Variants in TAFA2 observed in about 807,000 individuals in gnomAD.
TAFA2 encodes chemokine-like protein TAFA-2.
Under a neutral mutation model 18.8 loss-of-function variants are expected in TAFA2, and 7 were observed. That is an observed-to-expected ratio of 0.37 (90% CI 0.21 to 0.70). TAFA2 has a LOEUF of 0.70. TAFA2 is among the 30% of genes least tolerant of loss of function. The probability of loss-of-function intolerance (pLI) is 0.53; values close to 1 mark genes in which losing one functional copy is unlikely to be tolerated. For synonymous variants in TAFA2, 60 were observed against 54.2 expected (o/e 1.11, Z -0.47); for missense variants, 122 against 158.1 (o/e 0.77, Z 1.23).
chr12:61,999,615 C>T (rs1032203848), intron 1 of TAFA2, among the ~76,000 whole-genome samples: 2 of 152,134 alleles, frequency 1.3e-5, no homozygotes, highest in African/African-American at 4.8e-5. Flanking sequence ...TTGAAACTCC[C>T]AAGCAAGTAT....
intron 1 of TAFA2, among the ~76,000 whole-genome samples, chr12:61,882,176 T>C (rs1370877121): frequency 2.0e-5 from 3 of 152,168 alleles, no homozygotes; most frequent in Non-Finnish European, 4.4e-5. Flanking sequence ...AAACAGAGTA[T>C]TTATTCTTGA....
intron 2 of TAFA2, among the ~76,000 whole-genome samples, chr12:61,833,204 T>A (rs1481150369): frequency 6.6e-6 from 1 of 151,500 alleles, no homozygotes; most frequent in East Asian, 1.9e-4. Context: ...GGAAATAACA[T>A]GTCATGAACC....
chr12:61,914,679 T>A (rs1385656739), intron 1 of TAFA2, among the ~76,000 whole-genome samples: 1 of 152,216 alleles, frequency 6.6e-6, no homozygotes. Context: ...AATTGTATCC[T>A]AAAATTATTA....
At chr12:61,988,516 T>G (rs1242161579) in intron 1 of TAFA2, among the ~76,000 whole-genome samples, 1 of 152,154 alleles carries the variant, frequency 6.6e-6, no homozygotes, top group African/African-American at 2.4e-5. Context: ...TTGGAAGACC[T>G]TAAGAAGCAG....
intron 1 of TAFA2, among the ~76,000 whole-genome samples, chr12:62,070,054 A>G (rs989759321): frequency 1.4e-4 from 21 of 152,178 alleles, no homozygotes; most frequent in African/African-American, 5.1e-4. Flanking sequence ...AGCTCTCAGC[A>G]AGAAACTAGA....
At position 62,122,194 on chromosome 12, in the gene TAFA2, A is replaced by G. The variant is rs34365908; in HGVS notation, c.-2+69065T>C. ...TGACACAAGTTTACCTATGTAAAAA[A>G]CCTGCACTTGTATCCCTGAACTTAT... On this transcript the variant is annotated intron_variant, in intron 1 of 4. Coordinates refer to ENST00000416284, the MANE Select transcript of TAFA2 (RefSeq NM_178539.5). Among the ~76,000 whole-genome samples the G allele has an allele frequency of 4.7e-4, 71 of 152,160 alleles. 1 individual carries two copies. Among genetic ancestry groups the G allele is most frequent in the African/African-American group, 1.3e-3 (55 of 41,494 alleles).
At chr12:62,228,061 A>C (rs2062795491) in intron 1 of TAFA2, among the ~76,000 whole-genome samples, 1 of 152,204 alleles carries the variant, frequency 6.6e-6, no homozygotes, top group African/African-American at 2.4e-5. Context: ...ATGTATATAT[A>C]CACGTGTGTA....
chr12:62,170,260 T>G (rs187692277), intron 1 of TAFA2, among the ~76,000 whole-genome samples: 2 of 152,298 alleles, frequency 1.3e-5, no homozygotes, highest in Admixed American at 6.5e-5. Context: ...ATAATAATAA[T>G]AAGTAAAAAT....
At chr12:61,756,792 A>C (rs1210596735) in intron 2 of TAFA2, among the ~76,000 whole-genome samples, 11 of 152,094 alleles carry the variant, frequency 7.2e-5, no homozygotes, top group Non-Finnish European at 1.6e-4. Flanking sequence ...CTTTGAGGAG[A>C]TAATCCGAAT....
chr12:62,150,494 C>T (rs1291687382), intron 1 of TAFA2, among the ~76,000 whole-genome samples: 1 of 152,192 alleles, frequency 6.6e-6, no homozygotes, highest in Admixed American at 6.5e-5. Flanking sequence ...CCATCCTACA[C>T]ACAATCATCT....
At chr12:62,125,125 A>C (rs957325728) in intron 1 of TAFA2, among the ~76,000 whole-genome samples, 1 of 152,166 alleles carries the variant, frequency 6.6e-6, no homozygotes, top group Non-Finnish European at 1.5e-5. Context: ...TTCTATGAGC[A>C]CCTGAGTTGT....
intron 1 of TAFA2, among the ~76,000 whole-genome samples, chr12:61,964,922 A>G (rs185298181): frequency 5.1e-4 from 78 of 151,950 alleles, no homozygotes; most frequent in Non-Finnish European, 5.4e-4. Context: ...ACACACTACT[A>G]TCATGATATT....
intron 1 of TAFA2, among the ~76,000 whole-genome samples, chr12:62,161,994 A>T (rs189730893): frequency 8.5e-5 from 13 of 152,356 alleles, no homozygotes; most frequent in African/African-American, 2.6e-4. Context: ...GTTTCTAAGA[A>T]CCTATAAATG....
chr12:61,920,081 T>C (rs1876987769), intron 1 of TAFA2, among the ~76,000 whole-genome samples: 1 of 152,168 alleles, frequency 6.6e-6, no homozygotes, highest in South Asian at 2.1e-4. Context: ...ACACTGCAAA[T>C]AAAATATTTA....
chr12:62,102,205 G>A lies in TAFA2; in HGVS notation c.-2+89054C>T, dbSNP rs541924572. ...CTTTGAGTTTAAAGTAAGCAATCAG[G>A]GGAGATTCACTAGAATGTTATTTGG... is the stretch of plus-strand genomic sequence containing the variant. On this transcript the variant is annotated intron_variant, in intron 1 of 4. Transcript: ENST00000416284. Among the ~76,000 whole-genome samples, 72 of 152,236 alleles carry A rather than the reference G, an allele frequency of 4.7e-4. 1 individual carries two copies. The highest frequency in any genetic ancestry group is 1.3e-3 in the African/African-American group (56 of 41,540).
At chr12:62,115,345 A>AT (rs555000408) in intron 1 of TAFA2, among the ~76,000 whole-genome samples, 3 of 151,812 alleles carry the variant, frequency 2.0e-5, no homozygotes, top group Non-Finnish European at 4.4e-5. Flanking sequence ...CACTGCACTG[A>AT]TTTTTTTTCT....
intron 2 of TAFA2, among the ~76,000 whole-genome samples, chr12:61,778,162 G>A (rs1311559552): frequency 1.3e-5 from 2 of 151,830 alleles, no homozygotes; most frequent in Non-Finnish European, 2.9e-5. Flanking sequence ...GATCCTGAAT[G>A]TAAAGTGGTT....
upstream of TAFA2, among the ~76,000 whole-genome samples, chr12:62,195,143 T>TC: frequency 6.6e-6 from 1 of 152,304 alleles, no homozygotes; most frequent in East Asian, 1.9e-4. Flanking sequence ...ACTCTTCCTT[T>TC]CACAAAAGAT....
chr12:61,836,988 T>A (rs1168651514), intron 2 of TAFA2, among the ~76,000 whole-genome samples: 1 of 151,372 alleles, frequency 6.6e-6, no homozygotes, highest in Non-Finnish European at 1.5e-5. Context: ...TTAATTTTAT[T>A]TATAATGTTT....
Sources: gnomAD v4.1 joint callset for allele counts (sites outside exome capture counted in the v4.1 genomes callset) on GRCh38, gnomAD v4.1.1 for gene constraint, MANE v1.5 for transcripts, NCBI Gene and HGNC (gene_info 2026-07-23, HGNC 2026-07-21) for gene names.